The following SEC31B variants were observed in gnomAD, a reference collection of about 807,000 sequenced individuals.
SEC31B encodes the protein SEC31 homolog B, COPII component.
In SEC31B, 113 loss-of-function variants were observed where a neutral mutation model predicts 135.0. That is an observed-to-expected ratio of 0.84 (90% CI 0.72 to 0.98). The LOEUF (loss-of-function observed/expected upper bound fraction) is 0.98, where lower values mean the gene tolerates loss of function less well. Among genes scored for constraint, SEC31B ranks in the 50% least tolerant of loss-of-function variants. The pLI is 0.00. For synonymous variants in SEC31B, 508 were observed against 549.4 expected (o/e 0.92, Z 1.05); for missense variants, 1,296 against 1,421.1 (o/e 0.91, Z 1.42).
In SEC31B at chr10:100,498,033, G is replaced by A. The variant is rs770534012; in HGVS notation, c.1859C>T (p.Ser620Phe). ...TCCTGCATGATGGGCAGTTACCGAG[G>A]AGATTTTGGTTTTCTTCTTGGCCAA... ...RYLAKKKTKI[S>F]SLLACVVQKN... The change falls in exon 15 of 26, where the codon TCC becomes TTC. Residue 620 changes from serine to phenylalanine, a missense_variant. Transcript: ENST00000370345. The A allele has an allele frequency of 6.2e-6, 10 of 1,614,164 alleles. No homozygotes were observed. The highest frequency in any genetic ancestry group is 8.5e-6 in the Non-Finnish European group (10 of 1,180,028).
rs1366784352 is a variant in SEC31B at position 100,497,778 on chromosome 10, C to T, written c.1879G>A (p.Val627Met). 15 of 1,614,114 alleles carry T rather than the reference C, an allele frequency of 9.3e-6. No individual in the cohort carries two copies. The highest frequency in any genetic ancestry group is 1.3e-5 in the Non-Finnish European group (15 of 1,180,054). Reference sequence around the variant, plus strand: ...ACCACATCCTTCCAATTCTTTTGCACAACACAGGCTAGAAGCTGTAATGGG... The same window carrying T: ...ACCACATCCTTCCAATTCTTTTGCATAACACAGGCTAGAAGCTGTAATGGG... Reference protein sequence around the residue: ...TKISSLLACVVQKNWKDVVCT... With the variant: ...TKISSLLACVMQKNWKDVVCT... The change falls in exon 16 of 26, where the codon GTG (valine) becomes ATG (methionine). Residue 627 changes from valine to methionine, a missense_variant. Transcript: ENST00000370345.
At chr10:100,504,555 G>A (rs1015985389) in intron 10 of SEC31B, among the ~76,000 whole-genome samples, 6 of 152,096 alleles carry the variant, frequency 3.9e-5, no homozygotes, top group African/African-American at 1.2e-4. Context: ...GTGAAGCACC[G>A]CTTTGGGGAT....
chr10:100,515,917 G>GC (rs1237480301), intron 3 of SEC31B, among the ~76,000 whole-genome samples, 179 bp downstream of exon 3: 2 of 151,998 alleles, frequency 1.3e-5, no homozygotes, highest in African/African-American at 4.8e-5. Flanking sequence ...ACTGGAAAGG[G>GC]GGGGGGTGGT....
chr10:100,505,780 C>T, intron 9 of SEC31B: 1 of 1,417,320 alleles, frequency 7.1e-7, no homozygotes, highest in South Asian at 1.6e-5. Flanking sequence ...AAATAACTGT[C>T]CCAGCAAAGG....
In SEC31B at chr10:100,506,349, A is replaced by G. The variant is rs897323654; in HGVS notation, c.854T>C (p.Ile285Thr). Reference sequence around the variant, plus strand: ...ACTGCTCCCCAGGTTCCGGCACAAGATCTGGCTGTCCTTAGCACTAGTGAG... The same window carrying G: ...ACTGCTCCCCAGGTTCCGGCACAAGGTCTGGCTGTCCTTAGCACTAGTGAG... ...LLLTSAKDSQ[I>T]LCRNLGSSEV... is the part of the protein sequence containing the mutation. Residue 285 changes from isoleucine (I) to threonine (T), a missense_variant, in exon 8 of 26, where the codon ATC becomes ACC. Transcript: ENST00000370345. The G allele has an allele frequency of 6.2e-6, 10 of 1,614,120 alleles. No homozygotes were observed. The highest frequency in any genetic ancestry group is 7.6e-6 in the Non-Finnish European group (9 of 1,180,026).
intron 19 of SEC31B, 184 bp downstream of exon 19, chr10:100,495,201 C>T (rs568281707): frequency 1.6e-6 from 1 of 629,938 alleles, no homozygotes; most frequent in Non-Finnish European, 2.8e-6. Flanking sequence ...ACAATTTTTG[C>T]ACCTTTATGT....
chr10:100,507,496 T>A lies in SEC31B; in HGVS notation c.711A>T (p.Arg237=). 6.2e-7 allele frequency: 1 copy of A among 1,614,170 alleles called. No individual in the cohort carries two copies. The highest frequency in any genetic ancestry group is 8.5e-7 in the Non-Finnish European group (1 of 1,180,022). ...AGTCCCACAGCTGAATCACGGGAAG[T>A]CGATCATCCTCTGAGCACAGCACTA... is the stretch of plus-strand genomic sequence containing the variant. The part of the protein sequence containing the change: ...TQLVLCSEDD[R]LPVIQLWDLR... The change falls in exon 7 of 26, where the codon CGA becomes CGT. Residue 237 remains arginine, a synonymous_variant. Transcript: ENST00000370345.
At chr10:100,487,834 C>T in intron 25 of SEC31B, 39 bp from the exon 26 acceptor site, 5 of 1,609,064 alleles carry the variant, frequency 3.1e-6, no homozygotes, top group Non-Finnish European at 4.2e-6. Context: ...GAGCCCAACC[C>T]AGCTCCTACC....
At chr10:100,505,605 G>T in intron 9 of SEC31B, 110 bp from the exon 10 acceptor site, 1 of 1,470,818 alleles carries the variant, frequency 6.8e-7, no homozygotes, top group African/African-American at 1.4e-5. Context: ...ATTTGACCTA[G>T]AAAGGTCAGA....
In SEC31B at chr10:100,503,414, T is replaced by C. The variant is rs190321539; in HGVS notation, c.1180-930A>G. Among the ~76,000 whole-genome samples, 4 of 151,740 alleles carry C rather than the reference T, an allele frequency of 2.6e-5. No homozygotes were observed. The East Asian group carries it at 7.7e-4, about 29-fold the overall frequency. Reference sequence around the variant, plus strand: ...TTTTGAATTATTCAGGTTATTCCAATGTGTATCCAAGGCTGACAACTTTTT... The same window carrying C: ...TTTTGAATTATTCAGGTTATTCCAACGTGTATCCAAGGCTGACAACTTTTT... On this transcript the variant is annotated intron_variant, in intron 10 of 25. Coordinates refer to ENST00000370345, the MANE Select transcript of SEC31B (RefSeq NM_015490.4).
In SEC31B at chr10:100,509,043, G is replaced by A. The variant is rs1851687695; in HGVS notation, c.459C>T (p.Asn153=). The part of the protein sequence containing the change: ...DSEIFIWDLN[N]LNVPMTLGSK... ...ATCCCAGGGTCATTGGCACATTCAA[G>A]TTATTCAGATCCCAAATGAAGATTT... is the stretch of plus-strand genomic sequence containing the variant. The change falls in exon 5 of 26, where the codon AAC becomes AAT. Residue 153 remains asparagine, a synonymous_variant. Transcript: ENST00000370345. 1.9e-6 allele frequency: 3 copies of A among 1,614,028 alleles called. No individual in the cohort carries two copies. The highest frequency in any genetic ancestry group is 2.7e-5 in the African/African-American group (2 of 74,902).
At chr10:100,499,019 C>A in intron 13 of SEC31B, 141 bp downstream of exon 13, 1 of 731,404 alleles carries the variant, frequency 1.4e-6, no homozygotes, top group Non-Finnish European at 2.3e-6. Context: ...CACTCTGGTT[C>A]TAAGAGAGTG....
chr10:100,503,895 C>A (rs1312236781), intron 10 of SEC31B, among the ~76,000 whole-genome samples: 1 of 152,036 alleles, frequency 6.6e-6, no homozygotes, highest in East Asian at 1.9e-4. Flanking sequence ...AACTATTCAC[C>A]ATTTCTTTTC....
intron 5 of SEC31B, 164 bp downstream of exon 5, chr10:100,508,843 C>A: frequency 3.2e-6 from 2 of 628,424 alleles, no homozygotes; most frequent in East Asian, 2.7e-5. Context: ...CACCAGCCAT[C>A]CTAACTCTTA....
intron 5 of SEC31B, chr10:100,508,690 C>A (rs1463674605): frequency 9.3e-6 from 4 of 431,910 alleles, no homozygotes; most frequent in East Asian, 5.3e-5. Flanking sequence ...CCCTACCCAA[C>A]CCTGCGAAAG....
intron 7 of SEC31B, 107 bp from the exon 8 acceptor site, chr10:100,506,527 C>G (rs765638054): frequency 1.2e-4 from 105 of 876,604 alleles, no homozygotes; most frequent in Non-Finnish European, 1.7e-4. Flanking sequence ...ACCATCCATG[C>G]CCTATAAAAT....
chr10:100,507,401 T>C lies in SEC31B; in HGVS notation c.782+24A>G, dbSNP rs755662838. ...GTTATATCCACCATCCCCCCAAGGA[T>C]ATGGATGACGTCTGAGATGCTACCT... On this transcript the variant is annotated intron_variant, in intron 7 of 25. Transcript: ENST00000370345. 10 of 1,614,024 alleles carry C rather than the reference T, an allele frequency of 6.2e-6. No homozygotes were observed. The East Asian group carries it at 1.3e-4, about 22-fold the overall frequency.
chr10:100,503,024 A>G (rs1207202859), intron 10 of SEC31B, among the ~76,000 whole-genome samples: 1 of 152,096 alleles, frequency 6.6e-6, no homozygotes, highest in Non-Finnish European at 1.5e-5. Flanking sequence ...GGCCACAGGA[A>G]AGAGCTTAAG....
chr10:100,505,645 G>GT, intron 9 of SEC31B, 150 bp from the exon 10 acceptor site: 1 of 1,432,298 alleles, frequency 7.0e-7, no homozygotes, highest in Non-Finnish European at 9.1e-7. Context: ...GGGGAAGTGA[G>GT]TGGTAGCGAG....
Sources: gnomAD v4.1 joint callset for allele counts (sites outside exome capture counted in the v4.1 genomes callset) on GRCh38, gnomAD v4.1.1 for gene constraint, MANE v1.5 for transcripts, NCBI Gene and HGNC (gene_info 2026-07-23, HGNC 2026-07-21) for gene names.